The following LGR6 variants were observed in gnomAD, a reference collection of about 807,000 sequenced individuals.
The protein encoded by LGR6 is leucine rich repeat containing G protein-coupled receptor 6, also known as leucine-rich repeat-containing G protein-coupled receptor 6.
A neutral mutation model predicts 69.4 loss-of-function variants in LGR6; 45 were observed. The observed-to-expected ratio is 0.65, with a 90% CI of 0.51 to 0.83. The LOEUF (loss-of-function observed/expected upper bound fraction) is 0.83. Among genes scored for constraint, LGR6 ranks in the 40% least tolerant of loss-of-function variants. The pLI is 0.00. For synonymous variants in LGR6, 538 were observed against 555.0 expected, an observed-to-expected ratio of 0.97 and a Z score of 0.43; for missense variants, 1,108 against 1,246.7, an observed-to-expected ratio of 0.89 and a Z score of 1.68.
At chr1:202,294,942 T>C (rs923516193) in intron 6 of LGR6, among the ~76,000 whole-genome samples, 1 of 152,184 alleles carries the variant, frequency 6.6e-6, no homozygotes, top group African/African-American at 2.4e-5. Context: ...TAGAAGTATT[T>C]GGGGAAGAGC....
At chr1:202,248,204 G>A (rs910181386) in intron 4 of LGR6, among the ~76,000 whole-genome samples, 7 of 152,316 alleles carry the variant, frequency 4.6e-5, no homozygotes, top group Non-Finnish European at 7.4e-5. Flanking sequence ...TACTGGGGCT[G>A]GAAGGCGTCA....
In LGR6 at chr1:202,245,927, C is replaced by T. The variant is rs114154486; in HGVS notation, c.428+9934C>T. Among the ~76,000 whole-genome samples the T allele has an allele frequency of 3.0e-3, 460 of 152,074 alleles. 6 individuals are homozygous for T. The highest frequency in any genetic ancestry group is 0.011 in the African/African-American group (443 of 41,452). On this transcript the variant is annotated intron_variant, in intron 4 of 17. Transcript: ENST00000367278. ...CCATCCATCCATTCATCCTTGCATC[C>T]ATCCATGCATCCATCCATCCATCCA...
At chr1:202,239,344 G>GGTGTGTGTGTGT (rs36157781) in intron 4 of LGR6, among the ~76,000 whole-genome samples, 14 of 144,246 alleles carry the variant, frequency 9.7e-5, no homozygotes, top group Admixed American at 4.2e-4. Context: ...GTGTGTGTGT[G>GGTGTGTGTGTGT]GTGTGTGTGT....
At chr1:202,242,065 C>G (rs1021373212) in intron 4 of LGR6, among the ~76,000 whole-genome samples, 4 of 152,106 alleles carry the variant, frequency 2.6e-5, no homozygotes, top group African/African-American at 7.2e-5. Context: ...GCTCGTGGGC[C>G]GGGGAAGGCA....
At chr1:202,273,683 C>T (rs774791022) in intron 4 of LGR6, among the ~76,000 whole-genome samples, 6 of 151,922 alleles carry the variant, frequency 3.9e-5, no homozygotes, top group South Asian at 4.2e-4. Context: ...TCTCGAACTC[C>T]GACATCAGGT....
chr1:202,276,960 A>C (rs1431794974), intron 5 of LGR6, among the ~76,000 whole-genome samples: 1 of 152,178 alleles, frequency 6.6e-6, no homozygotes, highest in Non-Finnish European at 1.5e-5. Context: ...AGAAGCAGAG[A>C]AAAGTCATCA....
rs775694147 is a variant in LGR6 at position 202,197,463 on chromosome 1, A to G, written c.212+3262A>G. The G allele has an allele frequency of 7.5e-6, 4 of 533,266 alleles. No individual in the cohort carries two copies. In the Admixed American group the frequency reaches 7.8e-5, roughly 10 times the overall value. 33.0% of individuals were successfully genotyped at this position (533,266 alleles called of 1,614,324 possible). On this transcript the variant is annotated intron_variant, in intron 1 of 17. Transcript: ENST00000367278. The stretch of plus-strand genomic sequence containing the variant: ...TTAAACTATAGTCTCAGCGAGGCTC[A>G]TTGACACTCACCGGGGTTTTGACAT...
chr1:202,235,974 C>T lies in LGR6; in HGVS notation c.409C>T (p.Leu137=), dbSNP rs1206835028. ...AATCCCCGCAGAGGCGCTGTGGGAG[C>T]TGCCGAGCCTGCAGTCGCTGTGAGT... ...GGIPAEALWE[L]PSLQSLRLDA... Residue 137 remains leucine, a synonymous_variant, in exon 4 of 18, where the codon CTG becomes TTG. Coordinates refer to ENST00000367278, the MANE Select transcript of LGR6 (RefSeq NM_001017403.2). 2 of 1,613,808 alleles carry T rather than the reference C, an allele frequency of 1.2e-6. No homozygotes were observed. The highest frequency in any genetic ancestry group is 1.7e-6 in the Non-Finnish European group (2 of 1,179,938).
chr1:202,208,871 A>C (rs1659357987), intron 1 of LGR6, among the ~76,000 whole-genome samples: 1 of 152,152 alleles, frequency 6.6e-6, no homozygotes, highest in South Asian at 2.1e-4. Flanking sequence ...GAACCCTAGC[A>C]TGCCCAGTGC....
chr1:202,195,272 G>A (rs893138436), intron 1 of LGR6, among the ~76,000 whole-genome samples: 2 of 152,122 alleles, frequency 1.3e-5, no homozygotes, highest in Non-Finnish European at 2.9e-5. Context: ...TGGGAGCTTA[G>A]AGGAAGAGGA....
chr1:202,250,952 A>G (rs1328554102), intron 4 of LGR6, among the ~76,000 whole-genome samples: 12 of 152,086 alleles, frequency 7.9e-5, no homozygotes, highest in Admixed American at 7.9e-4. Flanking sequence ...CTTCCTCTAC[A>G]TTCTTCCTCA....
chr1:202,236,709 G>C (rs1661590442), intron 4 of LGR6, among the ~76,000 whole-genome samples: 1 of 152,110 alleles, frequency 6.6e-6, no homozygotes, highest in Admixed American at 6.5e-5. Flanking sequence ...TAATTATCAG[G>C]TACAACTTCA....
chr1:202,277,920 T>C (rs1340815854), intron 5 of LGR6, among the ~76,000 whole-genome samples: 1 of 151,518 alleles, frequency 6.6e-6, no homozygotes, highest in African/African-American at 2.4e-5. Context: ...TCCAAGCAGA[T>C]AGCAATAAAG....
intron 6 of LGR6, among the ~76,000 whole-genome samples, chr1:202,295,199 A>T (rs1482781034): frequency 2.6e-5 from 4 of 151,868 alleles, no homozygotes; most frequent in African/African-American, 7.3e-5. Flanking sequence ...GTGGTGGCAC[A>T]CGCCTGTAAT....
At position 202,318,501 on chromosome 1, in the gene LGR6, C is replaced by T; in HGVS notation, c.2198C>T (p.Thr733Ile). The change falls in exon 18 of 18, where the codon ACC becomes ATC. Residue 733 changes from threonine to isoleucine, a missense_variant. Transcript: ENST00000367278. ...PEGQPAALGF[T>I]VALVMMNSFC... ...GGTCAGCCAGCAGCCCTGGGCTTCA[C>T]CGTGGCCCTGGTGATGATGAACTCC... 2 of 1,614,016 alleles carry T rather than the reference C, an allele frequency of 1.2e-6. No individual in the cohort carries two copies. Among genetic ancestry groups the T allele is most frequent in the Non-Finnish European group, 1.7e-6 (2 of 1,180,000 alleles).
intron 17 of LGR6, among the ~76,000 whole-genome samples, chr1:202,317,357 T>G (rs569231695): frequency 4.7e-4 from 72 of 152,112 alleles, no homozygotes; most frequent in African/African-American, 1.6e-3. Flanking sequence ...TTTGTTTTTT[T>G]GGGGAGAGAG....
In LGR6 at chr1:202,310,317, A is replaced by C. The variant is rs1436249569; in HGVS notation, c.1527A>C (p.Lys509Asn). 6.2e-7 allele frequency: 1 copy of C among 1,613,998 alleles called. No individual in the cohort carries two copies. The highest frequency in any genetic ancestry group is 1.1e-5 in the South Asian group (1 of 91,066). ...DLHLDDEESS[K>N]RPLGLLARQA... Reference sequence around the variant, plus strand: ...ACCTTGATGATGAGGAGTCTTCAAAAAGGCCCCTGGGCCTCCTTGCCAGAC... The same window carrying C: ...ACCTTGATGATGAGGAGTCTTCAAACAGGCCCCTGGGCCTCCTTGCCAGAC... The change falls in exon 16 of 18, where the codon AAA (lysine) becomes AAC (asparagine). Residue 509 changes from lysine (K) to asparagine (N), a missense_variant. Coordinates refer to ENST00000367278, the MANE Select transcript of LGR6 (RefSeq NM_001017403.2).
Position 202,318,410 on chromosome 1 carries a change from C to T in LGR6, c.2107C>T (p.Leu703=), listed in dbSNP as rs772381934. ...CLALAGLAAA[L]PLASVGEYGA... ...GGCACTGGCAGGGCTGGCCGCCGCG[C>T]TGCCCCTGGCCTCAGTGGGAGAATA... The change falls in exon 18 of 18, where the codon CTG becomes TTG. Residue 703 remains leucine (L), a synonymous_variant. Coordinates refer to ENST00000367278, the MANE Select transcript of LGR6 (RefSeq NM_001017403.2). 6.2e-7 allele frequency: 1 copy of T among 1,607,922 alleles called. No homozygotes were observed. The highest frequency in any genetic ancestry group is 8.5e-7 in the Non-Finnish European group (1 of 1,177,194).
At chr1:202,274,168 C>G (rs1002939580) in intron 4 of LGR6, among the ~76,000 whole-genome samples, 1 of 152,194 alleles carries the variant, frequency 6.6e-6, no homozygotes, top group African/African-American at 2.4e-5. Flanking sequence ...CTGTCCAGGT[C>G]TCCTCTAGCT....
Sources: allele counts gnomAD v4.1 joint callset (sites outside exome capture counted in the v4.1 genomes callset), GRCh38; gene constraint gnomAD v4.1.1; transcripts MANE v1.5; gene names NCBI Gene and HGNC (gene_info 2026-07-23, HGNC 2026-07-21).